NBEA: variants seen among roughly 807,000 people sequenced by gnomAD.
NBEA encodes lysosomal-trafficking regulator 2.
Under a neutral mutation model 343.4 loss-of-function variants are expected in NBEA, and 44 were observed. The observed-to-expected ratio is 0.13, with a 90% CI of 0.10 to 0.16. NBEA has a LOEUF of 0.16. NBEA is among the 10% of genes least tolerant of loss of function. The probability of loss-of-function intolerance (pLI) is 1.00; values close to 1 mark genes in which losing one functional copy is unlikely to be tolerated. For synonymous variants in NBEA, 1,175 were observed against 1,238.7 expected (o/e 0.95, Z 1.08); for missense variants, 2,555 against 3,631.3 (o/e 0.70, Z 7.62).
intron 40 of NBEA, among the ~76,000 whole-genome samples, chr13:35,470,667 G>A (rs1484326740): frequency 6.6e-6 from 1 of 152,198 alleles, no homozygotes; most frequent in Non-Finnish European, 1.5e-5. Flanking sequence ...AGGAAAAGTG[G>A]CATCCAAGGG....
intron 36 of NBEA, 71 bp downstream of exon 36, chr13:35,309,663 A>G: frequency 1.3e-6 from 1 of 798,496 alleles, no homozygotes; most frequent in Non-Finnish European, 1.9e-6. Context: ...GCTCTTTCCT[A>G]CCATCTGTTC....
chr13:35,466,069 A>C (rs1024682826), intron 40 of NBEA, among the ~76,000 whole-genome samples: 1 of 152,196 alleles, frequency 6.6e-6, no homozygotes, highest in Admixed American at 6.5e-5. Context: ...AGAGGGCTCC[A>C]TTCCTTCCAT....
intron 33 of NBEA, among the ~76,000 whole-genome samples, chr13:35,229,509 A>G (rs2074849725): frequency 6.6e-6 from 1 of 152,178 alleles, no homozygotes; most frequent in African/African-American, 2.4e-5. Flanking sequence ...TATTTTAAGG[A>G]GAAAATTTTA....
At chr13:35,329,137 C>T (rs2038772548) in intron 36 of NBEA, among the ~76,000 whole-genome samples, 1 of 151,798 alleles carries the variant, frequency 6.6e-6, no homozygotes, top group South Asian at 2.1e-4. Flanking sequence ...TTTCAAACCA[C>T]AATTAGATAA....
chr13:35,531,737 C>T (rs1292943868), intron 41 of NBEA, among the ~76,000 whole-genome samples: 1 of 152,176 alleles, frequency 6.6e-6, no homozygotes, highest in Non-Finnish European at 1.5e-5. Context: ...GCTCCAGAGA[C>T]TTTGATGTGC....
At chr13:34,986,322 A>G (rs1298049937) in intron 1 of NBEA, among the ~76,000 whole-genome samples, 1 of 150,402 alleles carries the variant, frequency 6.6e-6, no homozygotes, top group Non-Finnish European at 1.5e-5. Context: ...CAGGTTTTTC[A>G]GTTTCCATGT....
intron 1 of NBEA, among the ~76,000 whole-genome samples, chr13:34,997,734 C>A (rs2060986520): frequency 6.6e-6 from 1 of 152,156 alleles, no homozygotes; most frequent in South Asian, 2.1e-4. Context: ...AACTATGAAG[C>A]TAGTATTCCA....
chr13:35,056,810 C>T (rs376512085), intron 7 of NBEA, among the ~76,000 whole-genome samples: 4 of 152,080 alleles, frequency 2.6e-5, no homozygotes, highest in Admixed American at 2.0e-4. Context: ...CTTAAAAATC[C>T]TTGGAAGGTT....
At chr13:35,617,203 A>G (rs776913405) in intron 48 of NBEA, among the ~76,000 whole-genome samples, 7 of 152,340 alleles carry the variant, frequency 4.6e-5, no homozygotes, top group Middle Eastern at 3.4e-3. Flanking sequence ...CAGTTTCCCT[A>G]TGTTCTAAAC....
intron 2 of NBEA, among the ~76,000 whole-genome samples, chr13:35,044,094 C>A (rs2062756088): frequency 6.6e-6 from 1 of 152,062 alleles, no homozygotes; most frequent in African/African-American, 2.4e-5. Flanking sequence ...TATAATTTTT[C>A]TCATTATTAG....
intron 34 of NBEA, among the ~76,000 whole-genome samples, chr13:35,271,100 G>T (rs887223152): frequency 6.6e-6 from 1 of 152,208 alleles, no homozygotes; most frequent in African/African-American, 2.4e-5. Flanking sequence ...CCCAGTAGGG[G>T]CCTACAGACA....
In NBEA at chr13:35,056,040, A is replaced by C; in HGVS notation, c.1003A>C (p.Asn335His). ...CATGATCAGCATTGTCCACATTTAC[A>C]ATCGATGGAGGAACAGTGAAATTCG... ...WYMISIVHIY[N>H]RWRNSEIRCY... The change falls in exon 7 of 59, where the codon AAT becomes CAT. Residue 335 changes from asparagine (N) to histidine (H), a missense_variant. Transcript: ENST00000379939. 6.2e-7 allele frequency: 1 copy of C among 1,604,488 alleles called. No individual in the cohort carries two copies. Among genetic ancestry groups the C allele is most frequent in the Admixed American group, 1.7e-5 (1 of 59,338 alleles).
chr13:35,159,192 A>G lies in NBEA; in HGVS notation c.3021A>G (p.Ser1007=). The part of the protein sequence containing the change: ...GMEIREIEDL[S]QSQSPESETD... Reference sequence around the variant, plus strand: ...AAATTCGAGAGATAGAAGATCTTTCACAAAGCCAGAGCCCAGAAAGTGAGA... The same window carrying G: ...AAATTCGAGAGATAGAAGATCTTTCGCAAAGCCAGAGCCCAGAAAGTGAGA... Residue 1007 remains serine (S), a synonymous_variant, in exon 22 of 59, where the codon TCA becomes TCG. Coordinates refer to ENST00000379939, the MANE Select transcript of NBEA (RefSeq NM_001385012.1). 6.2e-7 allele frequency: 1 copy of G among 1,613,656 alleles called. No individual in the cohort carries two copies. The highest frequency in any genetic ancestry group is 8.5e-7 in the Non-Finnish European group (1 of 1,179,664).
intron 41 of NBEA, among the ~76,000 whole-genome samples, chr13:35,530,389 A>T (rs2078201759): frequency 6.6e-6 from 1 of 152,118 alleles, no homozygotes; most frequent in Admixed American, 6.6e-5. Context: ...CAGGATGGGG[A>T]CAGCCGCCCC....
At chr13:35,033,403 T>C (rs2062314641) in intron 1 of NBEA, among the ~76,000 whole-genome samples, 1 of 152,040 alleles carries the variant, frequency 6.6e-6, no homozygotes, top group African/African-American at 2.4e-5. Context: ...TTTTGGTTAC[T>C]ATAGCTCTGT....
intron 1 of NBEA, among the ~76,000 whole-genome samples, chr13:34,991,777 T>C (rs1314144487): frequency 6.6e-6 from 1 of 152,332 alleles, no homozygotes; most frequent in South Asian, 2.1e-4. Flanking sequence ...AGAATAAGTT[T>C]CCGTCTTGTA....
intron 34 of NBEA, among the ~76,000 whole-genome samples, chr13:35,264,105 GACA>G (rs761194461): frequency 3.4e-5 from 5 of 149,174 alleles, no homozygotes; most frequent in Admixed American, 6.7e-5. Context: ...AAATACGAAG[GACA>G]ACAAGAGACT....
intron 34 of NBEA, among the ~76,000 whole-genome samples, chr13:35,281,836 T>A (rs963387714): frequency 6.6e-6 from 1 of 152,080 alleles, no homozygotes; most frequent in Non-Finnish European, 1.5e-5. Flanking sequence ...TTTAGGTAGT[T>A]TGAAACTGTA....
At chr13:35,609,712 C>A (rs1229375965) in intron 48 of NBEA, among the ~76,000 whole-genome samples, 1 of 152,144 alleles carries the variant, frequency 6.6e-6, no homozygotes, top group African/African-American at 2.4e-5. Flanking sequence ...TCAGTTTTTG[C>A]AGCAGCTCCC....
Sources: allele counts gnomAD v4.1 joint callset (sites outside exome capture counted in the v4.1 genomes callset), GRCh38; gene constraint gnomAD v4.1.1; transcripts MANE v1.5; gene names NCBI Gene and HGNC (gene_info 2026-07-23, HGNC 2026-07-21).